Variants in OAS2 observed in about 807,000 individuals in gnomAD.
The protein encoded by OAS2 is 2'-5'-oligoadenylate synthetase 2, also known as 2'-5'-oligoadenylate synthase 2.
OAS2 carries 67 observed loss-of-function variants against 71.3 expected under a neutral mutation model. That is an observed-to-expected ratio of 0.94 (90% CI 0.77 to 1.15). The LOEUF is 1.15. Ranked by LOEUF, OAS2 falls within the 50% of genes most tolerant of loss-of-function variation. OAS2 has a pLI of 0.00. For missense variants in OAS2, 789 were observed against 822.5 expected (o/e 0.96, Z 0.50); for synonymous variants, 327 against 321.8 (o/e 1.02, Z -0.17).
chr12:112,988,583 TA>T, intron 2 of OAS2: 8 of 984,300 alleles, frequency 8.1e-6, no homozygotes, highest in Non-Finnish European at 9.7e-6. Flanking sequence ...AGGCCAAACT[TA>T]AAATATGTAA....
intron 3 of OAS2, among the ~76,000 whole-genome samples, chr12:112,995,836 C>T (rs58405579): frequency 0.044 from 6,765 of 152,256 alleles, 487 homozygotes; most frequent in African/African-American, 0.15. Context: ...CAGGGTCTTG[C>T]TCTGCTGCCC....
chr12:113,005,643 A>C (rs537833944), intron 7 of OAS2, among the ~76,000 whole-genome samples: 83 of 151,884 alleles, frequency 5.5e-4, no homozygotes, highest in Non-Finnish European at 9.0e-4. Context: ...CGAGGCGGGA[A>C]GATTGCTTGA....
At position 113,007,758 on chromosome 12, in the gene OAS2, G is replaced by T; in HGVS notation, c.1710G>T (p.Glu570Asp). The T allele has an allele frequency of 1.2e-6, 2 of 1,614,166 alleles. No individual in the cohort carries two copies. The highest frequency in any genetic ancestry group is 1.7e-6 in the Non-Finnish European group (2 of 1,180,000). Residue 570 changes from glutamate (E) to aspartate (D), a missense_variant, in exon 9 of 10, where the codon GAG (glutamate) becomes GAT (aspartate). By Grantham distance (45) the Glu-to-Asp change is conservative. Transcript: ENST00000392583. ...KGSLPPKYAL[E>D]LLTIYAWEQG... ...CTTTGCCCCCAAAGTATGCCTTGGA[G>T]CTGCTCACCATCTATGCCTGGGAGC...
At chr12:113,000,662 TCACA>T (rs1226719013) in intron 5 of OAS2, among the ~76,000 whole-genome samples, 1 of 144,228 alleles carries the variant, frequency 6.9e-6, no homozygotes, top group Non-Finnish European at 1.5e-5. Context: ...ACACATGCAC[TCACA>T]CACATGCACA....
At position 113,010,296 on chromosome 12, in the gene OAS2, T is replaced by C. The variant is rs557667079; in HGVS notation, c.*1041T>C. The C allele has an allele frequency of 6.6e-7, 1 of 1,506,732 alleles. No individual in the cohort carries two copies. The highest frequency in any genetic ancestry group is 2.4e-5 in the East Asian group (1 of 42,072). 93.3% of individuals were successfully genotyped at this position (1,506,732 alleles called of 1,614,324 possible). On this transcript the variant is annotated 3_prime_UTR_variant, in exon 10 of 10. Transcript: ENST00000392583. ...TACCTTCCCAGATACAGGTCCCCCC[T>C]TTTTTCCCCTAACTCTTTTAAGCAA...
chr12:113,002,087 T>G (rs1476222812), intron 5 of OAS2, among the ~76,000 whole-genome samples: 1 of 152,146 alleles, frequency 6.6e-6, no homozygotes, highest in Non-Finnish European at 1.5e-5. Flanking sequence ...TTGGGTTCTA[T>G]GCTCACTACC....
intron 1 of OAS2, among the ~76,000 whole-genome samples, chr12:112,979,071 A>G (rs910884814): frequency 2.0e-5 from 3 of 152,164 alleles, no homozygotes; most frequent in Admixed American, 2.0e-4. Flanking sequence ...TTCTTAGCAA[A>G]AGACTGGCAG....
At chr12:113,004,349 C>T (rs1252311599) in intron 6 of OAS2, among the ~76,000 whole-genome samples, 1 of 152,086 alleles carries the variant, frequency 6.6e-6, no homozygotes, top group Non-Finnish European at 1.5e-5. Flanking sequence ...AAACATTTTT[C>T]TCTACAGAAA....
At chr12:112,999,581 T>C (rs1276239134) in intron 5 of OAS2, among the ~76,000 whole-genome samples, 1 of 152,214 alleles carries the variant, frequency 6.6e-6, no homozygotes, top group East Asian at 1.9e-4. Flanking sequence ...TTGGGGAGTC[T>C]ATGAATGGGG....
intron 7 of OAS2, among the ~76,000 whole-genome samples, chr12:113,005,918 C>CAAAAAAAAA (rs138299398): frequency 1.3e-3 from 66 of 49,038 alleles, no homozygotes; most frequent in Non-Finnish European, 2.0e-3. Context: ...ACAACAACAA[C>CAAAAAAAAA]AAAAAAAAAA....
intron 2 of OAS2, chr12:112,987,567 T>A (rs1049153069): frequency 2.9e-5 from 38 of 1,317,960 alleles, no homozygotes; most frequent in Non-Finnish European, 3.5e-5. Context: ...TAAGCCATAC[T>A]GTACACATAA....
chr12:113,007,320 T>G (rs571656202), intron 8 of OAS2, among the ~76,000 whole-genome samples: 2 of 152,166 alleles, frequency 1.3e-5, no homozygotes, highest in South Asian at 4.1e-4. Context: ...CTTGGGGCTG[T>G]GGCGTGACCT....
chr12:113,000,022 A>G (rs987210005), intron 5 of OAS2, among the ~76,000 whole-genome samples: 1 of 152,144 alleles, frequency 6.6e-6, no homozygotes, highest in African/African-American at 2.4e-5. Context: ...TGGGATTACA[A>G]GCGTGAGCCA....
At position 113,003,070 on chromosome 12, in the gene OAS2, C is replaced by T. The variant is rs200404382; in HGVS notation, c.1147C>T (p.Arg383Ter). 4.3e-5 allele frequency: 70 copies of T among 1,614,088 alleles called. No homozygotes were observed. The highest frequency in any genetic ancestry group is 1.1e-4 in the East Asian group (5 of 44,878). The change falls in exon 6 of 10, where the codon CGA (arginine) becomes TGA (stop). Residue 383 changes from arginine (R) to a stop codon, truncating the protein, a stop_gained. Transcript: ENST00000392583. LOFTEE classifies it high-confidence loss of function. ...IRTFLKENCFRQSTAKIQIVR... is the reference protein window; with the variant it reads ...IRTFLKENCF ...TACATTCCTTAAAGAAAACTGCTTC[C>T]GACAATCAACAGCCAAGATCCAGAT... is the stretch of plus-strand genomic sequence containing the variant.
At chr12:112,992,802 T>C (rs962924604) in intron 2 of OAS2, among the ~76,000 whole-genome samples, 12 of 151,974 alleles carry the variant, frequency 7.9e-5, no homozygotes, top group Non-Finnish European at 1.6e-4. Flanking sequence ...ATTAGGATGC[T>C]CAGGGTTGGG....
intron 1 of OAS2, among the ~76,000 whole-genome samples, chr12:112,985,800 C>T (rs2136377977): frequency 6.6e-6 from 1 of 152,252 alleles, no homozygotes; most frequent in Admixed American, 6.5e-5. Context: ...TATTTATTGA[C>T]TTTCATAGGG....
intron 8 of OAS2, among the ~76,000 whole-genome samples, chr12:113,006,936 C>T (rs574491548): frequency 2.0e-4 from 30 of 152,264 alleles, no homozygotes; most frequent in Non-Finnish European, 4.3e-4. Flanking sequence ...TGCTTCCCGG[C>T]GCACATGCTC....
At chr12:112,988,282 C>A (rs1376771134) in intron 2 of OAS2, 1 of 941,710 alleles carries the variant, frequency 1.1e-6, no homozygotes, top group African/African-American at 1.8e-5. Flanking sequence ...ACTGAGCAGA[C>A]AATTCACAAA....
At chr12:112,987,420 G>A (rs868302796) in intron 2 of OAS2, 112 bp downstream of exon 2, 1 of 1,492,040 alleles carries the variant, frequency 6.7e-7, no homozygotes, top group East Asian at 2.4e-5. Flanking sequence ...TTAAAAAATG[G>A]GAGACCATAG....
Sources: gnomAD v4.1 joint callset for allele counts (sites outside exome capture counted in the v4.1 genomes callset) on GRCh38, gnomAD v4.1.1 for gene constraint, MANE v1.5 for transcripts, NCBI Gene and HGNC (gene_info 2026-07-23, HGNC 2026-07-21) for gene names.